RBMS1: variants seen among roughly 807,000 people sequenced by gnomAD.
RBMS1 encodes the protein RNA-binding motif, single-stranded-interacting protein 1.
A neutral mutation model predicts 62.3 loss-of-function variants in RBMS1; 17 were observed. That is an observed-to-expected ratio of 0.27 (90% CI 0.19 to 0.41). The LOEUF (loss-of-function observed/expected upper bound fraction) is 0.41. RBMS1 is among the 10% of genes least tolerant of loss of function. RBMS1 has a pLI of 1.00. For missense variants in RBMS1, 334 were observed against 504.5 expected, an observed-to-expected ratio of 0.66 and a Z score of 3.24; for synonymous variants, 172 against 170.0, an observed-to-expected ratio of 1.01 and a Z score of -0.09.
rs147392055 is a variant in RBMS1 at position 160,466,651 on chromosome 2, G to A, written c.75+26638C>T. On this transcript the variant is annotated intron_variant, in intron 1 of 13. Coordinates refer to ENST00000348849, the MANE Select transcript of RBMS1 (RefSeq NM_016836.4). The stretch of plus-strand genomic sequence containing the variant: ...CAGAACCCACACCTATGATGCCATC[G>A]TTTGCTGTATCTGCTTTTAGTTGAC... Among the ~76,000 whole-genome samples, 434 of 152,312 alleles carry A rather than the reference G, an allele frequency of 2.8e-3. 5 individuals carry two copies. Among genetic ancestry groups the A allele is most frequent in the African/African-American group, 0.01 (430 of 41,572 alleles).
intron 2 of RBMS1, among the ~76,000 whole-genome samples, chr2:160,324,907 TACACACACACAC>T (rs1183675474): frequency 1.9e-5 from 2 of 106,776 alleles, no homozygotes; most frequent in African/African-American, 8.3e-5. Flanking sequence ...TATATATATA[TACACACACACAC>T]ACACACACAC....
chr2:160,453,286 G>T (rs1422112298), intron 1 of RBMS1, among the ~76,000 whole-genome samples: 1 of 152,162 alleles, frequency 6.6e-6, no homozygotes, highest in Admixed American at 6.5e-5. Context: ...ATTAAGGCCT[G>T]TAAAAAAGAA....
intron 1 of RBMS1, among the ~76,000 whole-genome samples, chr2:160,378,096 T>C (rs1694093258): frequency 6.6e-6 from 1 of 152,116 alleles, no homozygotes; most frequent in Admixed American, 6.5e-5. Context: ...CTAGATCACT[T>C]ACTTAGATGT....
Position 160,285,029 on chromosome 2 carries a change from T to C in RBMS1, c.772A>G (p.Thr258Ala). The change falls in exon 8 of 14, where the codon ACT (threonine) becomes GCT (alanine). Residue 258 changes from threonine to alanine, a missense_variant. Around this residue, in one of 3 missense-constraint regions of RBMS1, gnomAD observed 182 missense variants for 257.7 expected, o/e 0.71. Transcript: ENST00000348849. ...GEVRLAGMTLTYDPTTAAIQN... is the reference protein window; with the variant it reads ...GEVRLAGMTLAYDPTTAAIQN... ...ATAGCAGCTGTAGTTGGGTCGTAAG[T>C]AAGTGTCATTCCAGCCTATGGGAAA... is the stretch of plus-strand genomic sequence containing the variant. 6.2e-7 allele frequency: 1 copy of C among 1,612,820 alleles called. No individual in the cohort carries two copies. The highest frequency in any genetic ancestry group is 8.5e-7 in the Non-Finnish European group (1 of 1,178,754).
chr2:160,374,812 C>T (rs1693907314), intron 1 of RBMS1, among the ~76,000 whole-genome samples: 1 of 151,756 alleles, frequency 6.6e-6, no homozygotes, highest in South Asian at 2.1e-4. Flanking sequence ...CGCCTGTCAT[C>T]CCAGCTACTT....
At chr2:160,342,910 C>T (rs1691959536) in intron 2 of RBMS1, among the ~76,000 whole-genome samples, 1 of 152,044 alleles carries the variant, frequency 6.6e-6, no homozygotes. Context: ...CGCATTCCAG[C>T]CTGGGCAACA....
In RBMS1 at chr2:160,359,439, G is replaced by T. The variant is rs531835240; in HGVS notation, c.251+7777C>A. Among the ~76,000 whole-genome samples the T allele has an allele frequency of 3.3e-5, 5 of 152,202 alleles. No homozygotes were observed. The South Asian group carries it at 8.3e-4, about 25-fold the overall frequency. On this transcript the variant is annotated intron_variant, in intron 2 of 13. Transcript: ENST00000348849. Reference sequence around the variant, plus strand: ...GACTGAGTCAAGTCATTTGACCTTGGGTCCCCTAACTCAAAATTCTCTCTT... The same window carrying T: ...GACTGAGTCAAGTCATTTGACCTTGTGTCCCCTAACTCAAAATTCTCTCTT...
intron 1 of RBMS1, among the ~76,000 whole-genome samples, chr2:160,449,784 C>G (rs1683883976): frequency 6.6e-6 from 1 of 152,018 alleles, no homozygotes; most frequent in Non-Finnish European, 1.5e-5. Context: ...GTGACCCTGC[C>G]AAATCCCCCT....
chr2:160,374,925 C>T (rs189883910), intron 1 of RBMS1, among the ~76,000 whole-genome samples: 1 of 151,330 alleles, frequency 6.6e-6, no homozygotes, highest in Non-Finnish European at 1.5e-5. Flanking sequence ...AGTGAAACTA[C>T]ATCTCGGGCG....
intron 1 of RBMS1, among the ~76,000 whole-genome samples, chr2:160,458,017 C>G (rs149480892): frequency 1.3e-5 from 2 of 151,808 alleles, no homozygotes; most frequent in Non-Finnish European, 2.9e-5. Flanking sequence ...TCACCCTGGC[C>G]GAGTGGTGTG....
At chr2:160,478,947 G>A (rs1184332831) in intron 1 of RBMS1, among the ~76,000 whole-genome samples, 5 of 152,192 alleles carry the variant, frequency 3.3e-5, no homozygotes, top group Admixed American at 1.3e-4. Context: ...AACAGAGACC[G>A]GTGTGGAGTG....
At chr2:160,376,418 A>T (rs537607134) in intron 1 of RBMS1, among the ~76,000 whole-genome samples, 92 of 152,274 alleles carry the variant, frequency 6.0e-4, no homozygotes, top group African/African-American at 2.1e-3. Context: ...AAAACATAAA[A>T]TCTTATCTGA....
chr2:160,274,518 T>C lies in RBMS1; in HGVS notation c.*254A>G, dbSNP rs1456724164. On this transcript the variant is annotated 3_prime_UTR_variant, in exon 14 of 14. Transcript: ENST00000348849. ...ACATTTGATAAAAATCTTTTGTTTT[T>C]GTTTTTTGTTTTTTTTTTTTTACTA... 1.5e-5 allele frequency: 2 copies of C among 136,526 alleles called. No homozygotes were observed. The highest frequency in any genetic ancestry group is 5.5e-5 in the African/African-American group (2 of 36,498). 8.5% of individuals were successfully genotyped at this position (136,526 alleles called of 1,614,324 possible).
chr2:160,291,809 A>G (rs1186507705), intron 6 of RBMS1, among the ~76,000 whole-genome samples: 2 of 152,184 alleles, frequency 1.3e-5, no homozygotes, highest in African/African-American at 4.8e-5. Context: ...CCCATCAACT[A>G]AGAGTTGTTT....
intron 1 of RBMS1, among the ~76,000 whole-genome samples, chr2:160,452,685 G>A (rs1375382230): frequency 2.6e-5 from 4 of 152,204 alleles, no homozygotes; most frequent in South Asian, 2.1e-4. Flanking sequence ...TACGAGAATG[G>A]TAATCAACAG....
At chr2:160,486,390 C>T (rs1685602077) in intron 1 of RBMS1, among the ~76,000 whole-genome samples, 1 of 152,058 alleles carries the variant, frequency 6.6e-6, no homozygotes. Context: ...GTAGAAGAAA[C>T]ACCTCTAGTA....
intron 1 of RBMS1, among the ~76,000 whole-genome samples, chr2:160,371,466 C>A (rs1436476070): frequency 6.6e-6 from 1 of 152,190 alleles, no homozygotes; most frequent in Non-Finnish European, 1.5e-5. Flanking sequence ...AGTCTCTCAG[C>A]CTTCTCTAGC....
At chr2:160,413,534 G>A (rs910484844) in intron 1 of RBMS1, among the ~76,000 whole-genome samples, 7 of 152,022 alleles carry the variant, frequency 4.6e-5, no homozygotes, top group South Asian at 2.1e-4. Context: ...AAGTACATGC[G>A]TATAAAACTG....
chr2:160,441,053 A>G (rs1683388865), intron 1 of RBMS1, among the ~76,000 whole-genome samples: 1 of 152,078 alleles, frequency 6.6e-6, no homozygotes, highest in Admixed American at 6.5e-5. Flanking sequence ...CTCTCCAACC[A>G]CTGTCTGATG....
Sources: allele counts gnomAD v4.1 joint callset (sites outside exome capture counted in the v4.1 genomes callset), GRCh38; gene constraint gnomAD v4.1.1; regional missense constraint gnomAD v4.1.1; transcripts MANE v1.5; gene names NCBI Gene and HGNC (gene_info 2026-07-23, HGNC 2026-07-21).